The following KAZN variants were observed in gnomAD, a reference collection of about 807,000 sequenced individuals.
KAZN encodes the protein kazrin.
In KAZN, 40 loss-of-function variants were observed where a neutral mutation model predicts 87.4. That is an observed-to-expected ratio of 0.46 (90% CI 0.36 to 0.60). The LOEUF is 0.60. Among genes scored for constraint, KAZN ranks in the 20% least tolerant of loss-of-function variants. The pLI is 0.00. For missense variants in KAZN, 898 were observed against 1,073.9 expected (o/e 0.84, Z 2.29); for synonymous variants, 466 against 458.3 (o/e 1.02, Z -0.22).
chr1:14,602,539 A>C (rs1034767966), intron 1 of KAZN, among the ~76,000 whole-genome samples: 2 of 152,220 alleles, frequency 1.3e-5, no homozygotes, highest in African/African-American at 4.8e-5. Flanking sequence ...TAGCCAGAGA[A>C]GGGATTTGTT....
intron 1 of KAZN, chr1:14,692,519 T>A (rs1641376753): frequency 5.7e-6 from 1 of 175,188 alleles, no homozygotes; most frequent in African/African-American, 2.4e-5. Context: ...CGTATGGGTC[T>A]CGTGGTGTTA....
chr1:14,391,467 A>G (rs1476538030), intron 2 of KAZN: 1 of 152,438 alleles, frequency 6.6e-6, no homozygotes, highest in Non-Finnish European at 1.5e-5. Flanking sequence ...ACTCCGGGGA[A>G]ACCAACAACA....
intron 1 of KAZN, among the ~76,000 whole-genome samples, chr1:13,949,003 C>G (rs370766709): frequency 6.6e-6 from 1 of 152,170 alleles, no homozygotes; most frequent in African/African-American, 2.4e-5. Context: ...ACGTACCCAG[C>G]ATCCAGCATG....
At chr1:14,394,727 T>G (rs942242868) in intron 2 of KAZN, among the ~76,000 whole-genome samples, 1 of 152,248 alleles carries the variant, frequency 6.6e-6, no homozygotes, top group South Asian at 2.1e-4. Context: ...TTCTCAGTCC[T>G]TACTATATGT....
At chr1:14,676,586 T>C (rs565221190) in intron 1 of KAZN, among the ~76,000 whole-genome samples, 1 of 152,342 alleles carries the variant, frequency 6.6e-6, no homozygotes, top group African/African-American at 2.4e-5. Context: ...CAGAATGTGG[T>C]ATATCCATAC....
intron 2 of KAZN, among the ~76,000 whole-genome samples, chr1:14,272,102 A>G (rs1172209508): frequency 6.6e-6 from 1 of 152,226 alleles, no homozygotes; most frequent in Non-Finnish European, 1.5e-5. Context: ...TTACTTTGCT[A>G]TGTCCCTGCA....
At chr1:14,857,685 T>G (rs1650297073) in intron 1 of KAZN, among the ~76,000 whole-genome samples, 1 of 152,196 alleles carries the variant, frequency 6.6e-6, no homozygotes, top group South Asian at 2.1e-4. Context: ...GTTTTGTCGC[T>G]TTATTTCCCC....
intron 1 of KAZN, among the ~76,000 whole-genome samples, chr1:14,034,269 T>G (rs1016146854): frequency 6.6e-6 from 1 of 152,092 alleles, no homozygotes; most frequent in Admixed American, 6.5e-5. Context: ...GGATACAAGC[T>G]GGTGTTTCCT....
At chr1:14,256,007 G>A (rs559749101) in intron 2 of KAZN, among the ~76,000 whole-genome samples, 6 of 152,250 alleles carry the variant, frequency 3.9e-5, no homozygotes, top group Admixed American at 2.0e-4. Flanking sequence ...GTAAATTGGA[G>A]ACTCTCTGTC....
At chr1:13,997,448 G>A (rs1274010538) in intron 1 of KAZN, among the ~76,000 whole-genome samples, 1 of 151,994 alleles carries the variant, frequency 6.6e-6, no homozygotes, top group Admixed American at 6.6e-5. Context: ...ATTCTAACCT[G>A]ATGCAAAGAA....
chr1:14,209,941 T>G (rs897991092), intron 2 of KAZN, among the ~76,000 whole-genome samples: 5 of 152,158 alleles, frequency 3.3e-5, no homozygotes, highest in African/African-American at 1.2e-4. Flanking sequence ...GACTGATCCT[T>G]GGGTTTTATG....
At chr1:14,238,102 A>T in intron 2 of KAZN, among the ~76,000 whole-genome samples, 1 of 152,202 alleles carries the variant, frequency 6.6e-6, no homozygotes, top group East Asian at 1.9e-4. Context: ...TGTACAATTC[A>T]TGGTGTTGAG....
At chr1:14,318,938 A>AGC in intron 2 of KAZN, among the ~76,000 whole-genome samples, 1 of 151,842 alleles carries the variant, frequency 6.6e-6, no homozygotes, top group Non-Finnish European at 1.5e-5. Context: ...AAAGAGTTAA[A>AGC]AACAACTTTT....
chr1:14,329,460 C>G (rs1223911393), intron 2 of KAZN, among the ~76,000 whole-genome samples: 1 of 152,148 alleles, frequency 6.6e-6, no homozygotes, highest in Non-Finnish European at 1.5e-5. Context: ...TCCACTATAC[C>G]GCTTCATAGG....
chr1:14,409,069 T>C (rs1323859786), intron 2 of KAZN, among the ~76,000 whole-genome samples: 1 of 152,178 alleles, frequency 6.6e-6, no homozygotes, highest in Non-Finnish European at 1.5e-5. Context: ...AATGGTGTGT[T>C]CTGAGAACTT....
intron 1 of KAZN, among the ~76,000 whole-genome samples, chr1:14,742,201 G>A (rs1057383963): frequency 2.5e-4 from 38 of 152,286 alleles, no homozygotes; most frequent in African/African-American, 8.2e-4. Flanking sequence ...GACCTTGTCC[G>A]TCCTGTTCAC....
At chr1:13,897,920 C>A (rs1320425212) in intron 1 of KAZN, among the ~76,000 whole-genome samples, 2 of 152,164 alleles carry the variant, frequency 1.3e-5, no homozygotes, top group East Asian at 3.9e-4. Flanking sequence ...TTTCTAACCC[C>A]CCACCCAAAT....
At chr1:14,788,365 G>A (rs922174128) in intron 1 of KAZN, among the ~76,000 whole-genome samples, 2 of 152,222 alleles carry the variant, frequency 1.3e-5, no homozygotes, top group Non-Finnish European at 2.9e-5. Flanking sequence ...TAGGAGTAAG[G>A]CAGGGAAGAT....
At chr1:14,779,437 C>G (rs1645269785) in intron 1 of KAZN, among the ~76,000 whole-genome samples, 1 of 152,206 alleles carries the variant, frequency 6.6e-6, no homozygotes, top group Non-Finnish European at 1.5e-5. Context: ...TCATACCTTC[C>G]CCGGCCTTTG....
Sources: allele counts gnomAD v4.1 joint callset (sites outside exome capture counted in the v4.1 genomes callset), GRCh38; gene constraint gnomAD v4.1.1; transcripts MANE v1.5; gene names NCBI Gene and HGNC (gene_info 2026-07-23, HGNC 2026-07-21).